Variants in ELMO1 observed in about 807,000 individuals in gnomAD.
The protein encoded by ELMO1 is engulfment and cell motility protein 1.
ELMO1 carries 26 observed loss-of-function variants against 98.9 expected under a neutral mutation model. The observed-to-expected ratio is 0.26, with a 90% CI of 0.19 to 0.36. The LOEUF is 0.36. Among genes scored for constraint, ELMO1 ranks in the 10% least tolerant of loss-of-function variants. The probability of loss-of-function intolerance (pLI) is 1.00; values close to 1 mark genes in which losing one functional copy is unlikely to be tolerated. For missense variants in ELMO1, 627 were observed against 935.2 expected (o/e 0.67, Z 4.30); for synonymous variants, 346 against 346.0 (o/e 1.00, Z 0.00).
chr7:37,151,243 CA>C (rs1563037175), intron 13 of ELMO1, among the ~76,000 whole-genome samples: 1 of 152,212 alleles, frequency 6.6e-6, no homozygotes, highest in Non-Finnish European at 1.5e-5. Context: ...CCTTTCCTGC[CA>C]GGGAATAGCC....
In ELMO1 at chr7:36,870,606, G is replaced by C; in HGVS notation, c.1823-131C>G. 1.2e-6 allele frequency: 1 copy of C among 819,860 alleles called. No homozygotes were observed. 50.8% of individuals were successfully genotyped at this position (819,860 alleles called of 1,614,324 possible). A position where few individuals can be genotyped will look rare whatever the true frequency, so the allele number is the denominator to read the frequency against. ...CAGAAACTACTGCAAAAAGAAGAGT[G>C]TTGAAAAGAGGAAGAGAAGCCAGGT... On this transcript the variant is annotated intron_variant, in intron 19 of 21. Coordinates refer to ENST00000310758, the MANE Select transcript of ELMO1 (RefSeq NM_014800.11). This position sits in a 1 kb window ranked among gnomAD's most constrained non-coding sequence, Gnocchi z 4.4.
At chr7:36,867,164 C>T (rs1320772660) in intron 20 of ELMO1, among the ~76,000 whole-genome samples, 2 of 152,100 alleles carry the variant, frequency 1.3e-5, no homozygotes, top group South Asian at 2.1e-4. Context: ...TTTACAGTGG[C>T]GTACTCCATC....
intron 15 of ELMO1, among the ~76,000 whole-genome samples, chr7:37,081,594 T>C (rs1033170372): frequency 1.3e-5 from 2 of 152,194 alleles, no homozygotes; most frequent in Admixed American, 6.5e-5. Context: ...TAAGCAAGTC[T>C]CACGAGACAA....
At chr7:37,175,114 G>A (rs1790430878) in intron 13 of ELMO1, among the ~76,000 whole-genome samples, 1 of 152,128 alleles carries the variant, frequency 6.6e-6, no homozygotes, top group African/African-American at 2.4e-5. Context: ...AAAGAAAAGA[G>A]AAACAGCATT....
intron 1 of ELMO1, among the ~76,000 whole-genome samples, chr7:37,435,664 G>A (rs1211917123): frequency 6.6e-6 from 1 of 152,174 alleles, no homozygotes; most frequent in Non-Finnish European, 1.5e-5. Context: ...GTCTCAGACT[G>A]TTTCATTACA....
intron 16 of ELMO1, among the ~76,000 whole-genome samples, chr7:36,996,114 C>T (rs34997987): frequency 0.034 from 5,123 of 152,202 alleles, 114 homozygotes; most frequent in Middle Eastern, 0.099. Flanking sequence ...AATCCAAAGA[C>T]GTTTTTAAGA....
At chr7:37,180,755 T>G (rs577023483) in intron 13 of ELMO1, among the ~76,000 whole-genome samples, 3 of 152,172 alleles carry the variant, frequency 2.0e-5, no homozygotes, top group Non-Finnish European at 4.4e-5. Flanking sequence ...AGTGTTTTTT[T>G]GGGGAAAAAT....
chr7:36,943,603 A>C (rs1787230121), intron 16 of ELMO1, among the ~76,000 whole-genome samples: 1 of 152,248 alleles, frequency 6.6e-6, no homozygotes, highest in African/African-American at 2.4e-5. Flanking sequence ...GCTACGTAAG[A>C]AAGTTTGAAT....
chr7:37,251,545 C>A (rs1795349217), intron 6 of ELMO1, among the ~76,000 whole-genome samples: 1 of 152,128 alleles, frequency 6.6e-6, no homozygotes, highest in African/African-American at 2.4e-5. Flanking sequence ...TGCTTGCCTG[C>A]AAAGGATTTT....
chr7:37,225,190 G>A (rs866020968), intron 8 of ELMO1, among the ~76,000 whole-genome samples, 160 bp from the exon 9 acceptor site: 6 of 152,088 alleles, frequency 3.9e-5, no homozygotes, highest in Middle Eastern at 3.4e-3. Flanking sequence ...ATTGAACTAG[G>A]GATTGTTCAT....
chr7:37,050,982 T>C (rs907453163), intron 15 of ELMO1, among the ~76,000 whole-genome samples: 1 of 152,222 alleles, frequency 6.6e-6, no homozygotes, highest in African/African-American at 2.4e-5. Context: ...TTCTAAGGGC[T>C]TCAGACAGGA....
At position 37,058,450 on chromosome 7, in the gene ELMO1, G is replaced by A. The variant is rs186852666; in HGVS notation, c.1300+38169C>T. Among the ~76,000 whole-genome samples, 242 of 152,238 alleles carry A rather than the reference G, an allele frequency of 1.6e-3. 1 individual carries two copies. Among genetic ancestry groups the A allele is most frequent in the African/African-American group, 5.6e-3 (231 of 41,564 alleles). ...CTCTCTTGCTCTCTTCACCTAACCT[G>A]TCCCTTCACTTTCCTGCTGCACTGG... On this transcript the variant is annotated intron_variant, in intron 15 of 21. Coordinates refer to ENST00000310758, the MANE Select transcript of ELMO1 (RefSeq NM_014800.11).
intron 5 of ELMO1, among the ~76,000 whole-genome samples, chr7:37,269,288 G>A (rs1796431370): frequency 6.6e-6 from 1 of 152,072 alleles, no homozygotes; most frequent in Admixed American, 6.5e-5. Flanking sequence ...CAGATTCCTG[G>A]GGCCTATTCC....
At chr7:37,018,857 GCA>G (rs879447895) in intron 15 of ELMO1, among the ~76,000 whole-genome samples, 10 of 152,170 alleles carry the variant, frequency 6.6e-5, no homozygotes, top group Non-Finnish European at 1.2e-4. Flanking sequence ...ATCATTCTCA[GCA>G]CATTATATAG....
chr7:37,159,504 C>T (rs1339512323), intron 13 of ELMO1, among the ~76,000 whole-genome samples: 2 of 152,070 alleles, frequency 1.3e-5, no homozygotes, highest in Non-Finnish European at 2.9e-5. Flanking sequence ...AGTTCAAGAC[C>T]AGCCTGGCCA....
chr7:36,877,614 G>A (rs1804081126), intron 19 of ELMO1, among the ~76,000 whole-genome samples: 1 of 152,148 alleles, frequency 6.6e-6, no homozygotes, highest in South Asian at 2.1e-4. Flanking sequence ...AAATTGTAAG[G>A]AATAAATGTT....
intron 15 of ELMO1, among the ~76,000 whole-genome samples, chr7:37,092,390 TTTTTTG>T (rs1394651812): frequency 2.4e-5 from 3 of 125,374 alleles, no homozygotes; most frequent in African/African-American, 1.2e-4. Flanking sequence ...TTTTTTTTTT[TTTTTTG>T]GAGACAGAGT....
intron 15 of ELMO1, among the ~76,000 whole-genome samples, chr7:37,087,512 T>G (rs556298565): frequency 4.6e-5 from 7 of 152,156 alleles, no homozygotes; most frequent in Non-Finnish European, 1.0e-4. Context: ...TATGAAACAC[T>G]ATTTTAACAT....
intron 2 of ELMO1, among the ~76,000 whole-genome samples, chr7:37,326,240 A>G (rs1799797640): frequency 6.6e-6 from 1 of 152,166 alleles, no homozygotes; most frequent in African/African-American, 2.4e-5. Context: ...TAGTAAAACC[A>G]TGGATCACAT....
Sources: allele counts gnomAD v4.1 joint callset (sites outside exome capture counted in the v4.1 genomes callset), GRCh38; gene constraint gnomAD v4.1.1; non-coding constraint Gnocchi (gnomAD v3.1); transcripts MANE v1.5; gene names NCBI Gene and HGNC (gene_info 2026-07-23, HGNC 2026-07-21).